Variants in CACNA1E observed in about 807,000 individuals in gnomAD.
The protein encoded by CACNA1E is voltage-dependent R-type calcium channel subunit alpha-1E.
Under a neutral mutation model 259.2 loss-of-function variants are expected in CACNA1E, and 40 were observed. The ratio of observed to expected loss-of-function variants is 0.15; its 90% CI spans 0.12 to 0.20. CACNA1E has a LOEUF of 0.20. Ranked by LOEUF, CACNA1E falls within the 10% of genes least tolerant of loss-of-function variation. The pLI, the probability that CACNA1E is intolerant of heterozygous loss-of-function variation, is 1.00. For synonymous variants in CACNA1E, 1,104 were observed against 1,138.5 expected, an observed-to-expected ratio of 0.97 and a Z score of 0.61; for missense variants, 1,874 against 3,040.1, an observed-to-expected ratio of 0.62 and a Z score of 9.02.
intron 2 of CACNA1E, among the ~76,000 whole-genome samples, chr1:181,449,335 T>C (rs1325044916): frequency 6.6e-6 from 1 of 152,240 alleles, no homozygotes; most frequent in African/African-American, 2.4e-5. Flanking sequence ...CAGTCTCATA[T>C]ACACATATAT....
chr1:181,610,828 T>C (rs1654691384), intron 6 of CACNA1E, among the ~76,000 whole-genome samples: 1 of 152,168 alleles, frequency 6.6e-6, no homozygotes, highest in Non-Finnish European at 1.5e-5. Flanking sequence ...ATAAAAACAA[T>C]GGAAGTAGCT....
chr1:181,469,869 T>A (rs1662380918), intron 2 of CACNA1E, among the ~76,000 whole-genome samples: 1 of 152,114 alleles, frequency 6.6e-6, no homozygotes, highest in South Asian at 2.1e-4. Flanking sequence ...GGAAACAGAC[T>A]TTGGGGTGAA....
rs956727501 is a variant in CACNA1E at position 181,774,997 on chromosome 1, G to A, written c.5140-1104G>A. Reference sequence around the variant, plus strand: ...GCTCAGATGATATCACCAGGTCCAGGTTTCTCTCTATTTACAGATCTCTGC... The same window carrying A: ...GCTCAGATGATATCACCAGGTCCAGATTTCTCTCTATTTACAGATCTCTGC... On this transcript the variant is annotated intron_variant, in intron 37 of 47. Transcript: ENST00000367573. 3.3e-5 allele frequency among the ~76,000 whole-genome samples: 5 copies of A among 152,300 alleles called. No homozygotes were observed. In the South Asian group the frequency reaches 1.0e-3, roughly 32 times the overall value.
intron 1 of CACNA1E, among the ~76,000 whole-genome samples, chr1:181,402,325 G>A: frequency 6.6e-6 from 1 of 152,178 alleles, no homozygotes; most frequent in East Asian, 1.9e-4. Flanking sequence ...GGGGACAGAG[G>A]TATAAGTGGT....
intron 6 of CACNA1E, among the ~76,000 whole-genome samples, chr1:181,640,290 T>C (rs1042645160): frequency 6.6e-6 from 1 of 152,196 alleles, no homozygotes; most frequent in African/African-American, 2.4e-5. Context: ...AGGTGATTAA[T>C]AGGCATGTAG....
chr1:181,497,564 G>C (rs1275938575), intron 1 of CACNA1E, among the ~76,000 whole-genome samples: 2 of 152,198 alleles, frequency 1.3e-5, no homozygotes, highest in Non-Finnish European at 2.9e-5. Context: ...ACTCTACAGT[G>C]TGCTCTAGAG....
At chr1:181,791,618 T>TTCA (rs1483920509) in intron 44 of CACNA1E, among the ~76,000 whole-genome samples, 1 of 152,176 alleles carries the variant, frequency 6.6e-6, no homozygotes, top group Non-Finnish European at 1.5e-5. Flanking sequence ...TTATTCCTAG[T>TTCA]TCAGGAGCCA....
At chr1:181,784,281 T>C (rs1660675271) in intron 40 of CACNA1E, among the ~76,000 whole-genome samples, 1 of 152,168 alleles carries the variant, frequency 6.6e-6, no homozygotes, top group South Asian at 2.1e-4. Context: ...ATCAGGTCAC[T>C]CAGACTATGG....
intron 1 of CACNA1E, among the ~76,000 whole-genome samples, chr1:181,388,505 T>C (rs1040900712): frequency 6.6e-6 from 1 of 152,222 alleles, no homozygotes; most frequent in Admixed American, 6.5e-5. Context: ...GGCATGTTAC[T>C]GCACTGAATA....
rs150720463 is a variant in CACNA1E at position 181,417,100 on chromosome 1, C to T, written c.434+3520C>T. On this transcript the variant is annotated intron_variant, in intron 2 of 11. Transcript: ENST00000524607. ...TTTCAAGCATCCCACTGTGTGATCA[C>T]CCCCTCTTTTCTCTCCACTCCCTCT... is the stretch of plus-strand genomic sequence containing the variant. 2.6e-3 allele frequency among the ~76,000 whole-genome samples: 393 copies of T among 152,106 alleles called. 4 individuals are homozygous for T. Among genetic ancestry groups the T allele is most frequent in the African/African-American group, 8.8e-3 (367 of 41,498 alleles).
At chr1:181,338,410 C>T (rs1020879687) in intron 1 of CACNA1E, among the ~76,000 whole-genome samples, 1 of 151,936 alleles carries the variant, frequency 6.6e-6, no homozygotes, top group Non-Finnish European at 1.5e-5. Context: ...ATGTGCATTT[C>T]CCTGATGATT....
chr1:181,327,462 A>G (rs1017694018), intron 1 of CACNA1E, among the ~76,000 whole-genome samples: 1 of 152,240 alleles, frequency 6.6e-6, no homozygotes, highest in African/African-American at 2.4e-5. Context: ...GGCAGATTTC[A>G]TATTCCTGCC....
intron 1 of CACNA1E, among the ~76,000 whole-genome samples, chr1:181,330,811 T>G (rs988037477): frequency 2.6e-5 from 4 of 152,228 alleles, no homozygotes; most frequent in Non-Finnish European, 1.5e-5. Context: ...GTGACTTATT[T>G]TCTTTGAGTC....
intron 1 of CACNA1E, among the ~76,000 whole-genome samples, chr1:181,408,420 C>T (rs1001351900): frequency 6.6e-6 from 1 of 152,132 alleles, no homozygotes; most frequent in African/African-American, 2.4e-5. Context: ...AGAAGTAAAA[C>T]TCTTGATAGG....
intron 1 of CACNA1E, among the ~76,000 whole-genome samples, chr1:181,501,576 G>A (rs1665251046): frequency 6.6e-6 from 1 of 152,176 alleles, no homozygotes; most frequent in Admixed American, 6.5e-5. Context: ...AGAGCAGCAG[G>A]ATTGTATTGG....
intron 2 of CACNA1E, among the ~76,000 whole-genome samples, chr1:181,478,161 T>C (rs910695753): frequency 5.3e-5 from 8 of 152,222 alleles, no homozygotes; most frequent in African/African-American, 1.9e-4. Context: ...CTCACAGTCC[T>C]TCTGCAAAGA....
chr1:181,420,281 A>C (rs1658630900), intron 2 of CACNA1E, among the ~76,000 whole-genome samples: 1 of 152,138 alleles, frequency 6.6e-6, no homozygotes, highest in Non-Finnish European at 1.5e-5. Context: ...GGAGTACTTT[A>C]GGTGATTTCA....
intron 7 of CACNA1E, among the ~76,000 whole-genome samples, chr1:181,659,996 C>G (rs1022426134): frequency 6.6e-6 from 1 of 152,172 alleles, no homozygotes; most frequent in Admixed American, 6.5e-5. Flanking sequence ...AGATTTGGTG[C>G]AAGTTTTAAT....
chr1:181,588,895 C>T (rs1337488418), intron 6 of CACNA1E, among the ~76,000 whole-genome samples: 1 of 152,208 alleles, frequency 6.6e-6, no homozygotes, highest in Non-Finnish European at 1.5e-5. Context: ...GTACTTTTCA[C>T]TCTGGAATCC....
Sources: allele counts gnomAD v4.1 joint callset (sites outside exome capture counted in the v4.1 genomes callset), GRCh38; gene constraint gnomAD v4.1.1; transcripts MANE v1.5; gene names NCBI Gene and HGNC (gene_info 2026-07-23, HGNC 2026-07-21).